The following CD8A variants were observed in gnomAD, a reference collection of about 807,000 sequenced individuals.
CD8A encodes CD8 subunit alpha, also known as T-cell surface glycoprotein CD8 alpha chain.
In CD8A, 25 loss-of-function variants were observed where a neutral mutation model predicts 24.2. The ratio of observed to expected loss-of-function variants is 1.03; its 90% confidence interval spans 0.75 to 1.44. CD8A has a LOEUF of 1.44. CD8A is among the 40% of genes most tolerant of loss of function. CD8A has a pLI of 0.00. For synonymous variants in CD8A, 165 were observed against 149.9 expected, an observed-to-expected ratio of 1.10 and a Z score of -0.74; for missense variants, 360 against 319.7, an observed-to-expected ratio of 1.13 and a Z score of -0.96.
At chr2:86,803,746 G>T (rs1317263085) in intron 2 of CD8A, among the ~76,000 whole-genome samples, 1 of 152,132 alleles carries the variant, frequency 6.6e-6, no homozygotes, top group Non-Finnish European at 1.5e-5. Flanking sequence ...ATGGGGTTTT[G>T]CCATGTTGGC....
rs1429846518 is a variant in CD8A at position 86,789,327 on chromosome 2, G to A, written c.621C>T (p.Asn207=). ...LLSLVITLYC[N]HRNRRRVCKC... Reference sequence around the variant, plus strand: ...CCGCGATTCCTCGGGACTTACTGTGGTTGCAGTAAAGGGTGATAACCAGTG... The same window carrying A: ...CCGCGATTCCTCGGGACTTACTGTGATTGCAGTAAAGGGTGATAACCAGTG... Residue 207 remains asparagine, a synonymous_variant, in exon 4 of 6, where the codon AAC becomes AAT. Coordinates refer to ENST00000283635, the MANE Select transcript of CD8A (RefSeq NM_001768.7). The A allele has an allele frequency of 6.9e-6, 11 of 1,591,046 alleles. 1 individual carries two copies. The South Asian group carries it at 1.2e-4, about 18-fold the overall frequency.
In CD8A at chr2:86,785,336, T is replaced by C; in HGVS notation, c.*584A>G. ...AACTCTGCCAAAGGCAGTTCTCTTC[T>C]TTAATTCATTACCTCCTCGAGGCTC... is the stretch of plus-strand genomic sequence containing the variant. On this transcript the variant is annotated 3_prime_UTR_variant, in exon 6 of 6. Coordinates refer to ENST00000283635, the MANE Select transcript of CD8A (RefSeq NM_001768.7). The C allele has an allele frequency of 2.2e-6, 1 of 454,196 alleles. No individual in the cohort carries two copies. Among genetic ancestry groups the C allele is most frequent in the Non-Finnish European group, 4.4e-6 (1 of 226,834 alleles). The allele number at this position is 454,196 out of a possible 1,614,324, so 28.1% of individuals were successfully genotyped here. A position where few individuals can be genotyped will look rare whatever the true frequency, so the allele number is the denominator to read the frequency against.
intron 2 of CD8A, among the ~76,000 whole-genome samples, chr2:86,805,948 TTTC>T (rs1673838922): frequency 6.7e-6 from 1 of 149,302 alleles, no homozygotes; most frequent in Non-Finnish European, 1.5e-5. Flanking sequence ...TCTCTTTCTT[TTTC>T]TTTTTCTCTT....
chr2:86,790,715 G>A, intron 1 of CD8A, 34 bp from the exon 2 acceptor site: 1 of 1,555,886 alleles, frequency 6.4e-7, no homozygotes, highest in Non-Finnish European at 8.6e-7. Flanking sequence ...TGAGCCCGCA[G>A]TCCCGCGCCC....
rs572334319 is a variant in CD8A, at chr2:86,785,410, G to A, written c.*510C>T. On this transcript the variant is annotated 3_prime_UTR_variant, in exon 6 of 6. Transcript: ENST00000283635. ...AGAAGTACTTGTTCCCTTGCCGTTGGAGACTCAAGCACCTCACCCTGAGAC... is the reference window on the plus strand; with the variant it reads ...AGAAGTACTTGTTCCCTTGCCGTTGAAGACTCAAGCACCTCACCCTGAGAC... 2.2e-6 allele frequency: 1 copy of A among 454,702 alleles called. No homozygotes were observed. Among genetic ancestry groups the A allele is most frequent in the African/African-American group, 2.0e-5 (1 of 50,144 alleles). 28.2% of individuals were successfully genotyped at this position (454,702 alleles called of 1,614,324 possible).
At chr2:86,791,319 A>G, upstream of CD8A, 1 of 361,046 alleles carries the variant, frequency 2.8e-6, no homozygotes. Flanking sequence ...AGGGCTGAAA[A>G]GGAAGAGGAA....
chr2:86,807,222 T>G (rs1265797876), intron 2 of CD8A, among the ~76,000 whole-genome samples: 1 of 151,906 alleles, frequency 6.6e-6, no homozygotes, highest in Non-Finnish European at 1.5e-5. Context: ...CTTGGGAGGC[T>G]GAGGTGGGGG....
In CD8A at chr2:86,785,404, C is replaced by G. The variant is rs1397672429; in HGVS notation, c.*516G>C. 2.2e-6 allele frequency: 1 copy of G among 454,586 alleles called. No individual in the cohort carries two copies. The highest frequency in any genetic ancestry group is 1.6e-5 in the South Asian group (1 of 64,476). 28.2% of individuals were successfully genotyped at this position (454,586 alleles called of 1,614,324 possible). ...GTATCAAGAAGTACTTGTTCCCTTG[C>G]CGTTGGAGACTCAAGCACCTCACCC... On this transcript the variant is annotated 3_prime_UTR_variant, in exon 6 of 6. Coordinates refer to ENST00000283635, the MANE Select transcript of CD8A (RefSeq NM_001768.7).
intron 3 of CD8A, among the ~76,000 whole-genome samples, chr2:86,797,662 A>G (rs1488244901): frequency 6.6e-6 from 1 of 151,990 alleles, no homozygotes; most frequent in Non-Finnish European, 1.5e-5. Flanking sequence ...TTATTCACTC[A>G]TTTAAATATT....
intron 3 of CD8A, among the ~76,000 whole-genome samples, chr2:86,799,772 A>G (rs766391330): frequency 6.6e-6 from 1 of 151,898 alleles, no homozygotes; most frequent in Non-Finnish European, 1.5e-5. Context: ...AAAAGAAAGA[A>G]AAGAGTCATC....
At chr2:86,792,945 T>C (rs930726382), upstream of CD8A, among the ~76,000 whole-genome samples, 16 of 152,150 alleles carry the variant, frequency 1.1e-4, no homozygotes, top group African/African-American at 3.9e-4. Context: ...GTGACAACAG[T>C]GCAATATATT....
chr2:86,794,155 A>T (rs938950924), upstream of CD8A, among the ~76,000 whole-genome samples: 6 of 152,184 alleles, frequency 3.9e-5, no homozygotes, highest in African/African-American at 1.4e-4. Flanking sequence ...CTGACTTGGG[A>T]TGGCATGAAG....
At position 86,789,741 on chromosome 2, in the gene CD8A, G is replaced by C; in HGVS notation, c.413C>G (p.Thr138Ser). 7.3e-7 allele frequency: 1 copy of C among 1,362,370 alleles called. No individual in the cohort carries two copies. Among genetic ancestry groups the C allele is most frequent in the Non-Finnish European group, 9.4e-7 (1 of 1,065,378 alleles). The allele number at this position is 1,362,370 out of a possible 1,614,324, so 84.4% of individuals were successfully genotyped here. A position where few individuals can be genotyped will look rare whatever the true frequency, so the allele number is the denominator to read the frequency against. ...FVPVFLPAKP[T>S]TTPAPRPPTP... Reference sequence around the variant, plus strand: ...TGGTGGTCGCGGCGCTGGCGTCGTGGTGGGCTTCGCTGCAAGAGCAACAGA... The same window carrying C: ...TGGTGGTCGCGGCGCTGGCGTCGTGCTGGGCTTCGCTGCAAGAGCAACAGA... Residue 138 changes from threonine (T) to serine (S), a missense_variant, in exon 3 of 6, where the codon ACC becomes AGC. Coordinates refer to ENST00000283635, the MANE Select transcript of CD8A (RefSeq NM_001768.7).
rs1290842777 is a variant in CD8A at position 86,788,548 on chromosome 2, C to T, written c.638G>A (p.Arg213His). Residue 213 changes from arginine (R) to histidine (H), a missense_variant, in exon 5 of 6, where the codon CGT (arginine) becomes CAT (histidine). By Grantham distance (29) the Arg-to-His change is conservative. Transcript: ENST00000283635. ...GACTCACCGGGGACATTTGCAAACA[C>T]GTCTTCGGTTCCCTGGATAAGGAAA... The part of the protein sequence containing the change: ...TLYCNHRNRR[R>H]VCKCPRPVVK... 3.1e-6 allele frequency: 5 copies of T among 1,613,350 alleles called. No homozygotes were observed. In the Admixed American group the frequency reaches 6.7e-5, roughly 22 times the overall value.
At chr2:86,804,642 T>C (rs983439630) in intron 2 of CD8A, among the ~76,000 whole-genome samples, 1 of 152,064 alleles carries the variant, frequency 6.6e-6, no homozygotes, top group Non-Finnish European at 1.5e-5. Flanking sequence ...AGTCTAGCTC[T>C]GTCAACCAGG....
chr2:86,787,078 C>CCA (rs1673048065), intron 5 of CD8A, among the ~76,000 whole-genome samples: 1 of 125,752 alleles, frequency 8.0e-6, no homozygotes, highest in Non-Finnish European at 1.6e-5. Context: ...ACTTCCCCCC[C>CCA]CACTTTTTTT....
chr2:86,795,921 A>G (rs1183626215), intron 3 of CD8A, among the ~76,000 whole-genome samples: 1 of 152,262 alleles, frequency 6.6e-6, no homozygotes, highest in Non-Finnish European at 1.5e-5. Context: ...TACATAAAAA[A>G]GACTCAACAA....
intron 3 of CD8A, among the ~76,000 whole-genome samples, chr2:86,796,767 A>G (rs894952627): frequency 2.6e-5 from 4 of 152,254 alleles, no homozygotes; most frequent in Non-Finnish European, 5.9e-5. Flanking sequence ...CCCAGATGGT[A>G]GCAATGAGCT....
Position 86,786,330 on chromosome 2 carries a change from A to C in CD8A, c.657-359T>G, listed in dbSNP as rs369522411. The stretch of plus-strand genomic sequence containing the variant: ...AGGTGTGAGAGTGAGACTGATAACC[A>C]AAGTCATTAGCTGACCTGATTCTCA... On this transcript the variant is annotated intron_variant, in intron 5 of 5. Coordinates refer to ENST00000283635, the MANE Select transcript of CD8A (RefSeq NM_001768.7). Among the ~76,000 whole-genome samples the C allele has an allele frequency of 4.6e-5, 7 of 152,332 alleles. No individual in the cohort carries two copies. The South Asian group carries it at 1.2e-3, about 27-fold the overall frequency.
Sources: allele counts gnomAD v4.1 joint callset (sites outside exome capture counted in the v4.1 genomes callset), GRCh38; gene constraint gnomAD v4.1.1; transcripts MANE v1.5; gene names NCBI Gene and HGNC (gene_info 2026-07-23, HGNC 2026-07-21).